ENOX2: variants seen among roughly 807,000 people sequenced by gnomAD.
ENOX2 encodes the protein APK1 antigen.
A neutral mutation model predicts 45.0 loss-of-function variants in ENOX2; 36 were observed. That is an observed-to-expected ratio of 0.80 (90% CI 0.61 to 1.06). The LOEUF (loss-of-function observed/expected upper bound fraction) is 1.06, where lower values mean the gene tolerates loss of function less well. Ranked by LOEUF, ENOX2 falls within the 50% of genes least tolerant of loss-of-function variation. ENOX2 has a pLI of 0.00. For missense variants in ENOX2, 423 were observed against 462.5 expected (o/e 0.91, Z 0.78); for synonymous variants, 174 against 152.3 (o/e 1.14, Z -1.05).
intron 3 of ENOX2, among the ~76,000 whole-genome samples, chrX:130,764,474 T>C (rs2039567895): frequency 9.1e-6 from 1 of 109,907 alleles, no homozygotes; most frequent in Admixed American, 9.7e-5. Flanking sequence ...ACAGTAAAAC[T>C]TGTTTCCTAA....
At chrX:130,801,805 T>C (rs539977647) in intron 2 of ENOX2, among the ~76,000 whole-genome samples, 2 of 111,861 alleles carry the variant, frequency 1.8e-5, no homozygotes, top group African/African-American at 3.2e-5. Flanking sequence ...TCAGATTTCA[T>C]TGTTCATTCA....
rs1161258863 is a variant in ENOX2 at position 130,792,792 on chromosome X, T to TA, written c.-182-9103dup. On this transcript the variant is annotated intron_variant, in intron 2 of 14. Coordinates refer to ENST00000394363, the MANE Select transcript of ENOX2 (RefSeq NM_006375.4). The stretch of plus-strand genomic sequence containing the variant: ...TGGGCTGACAGAGCAAGGCTCCATC[T>TA]AAAAAAACAAAAAACAAAAAACAAA... Among the ~76,000 whole-genome samples, 6 of 111,096 alleles carry TA rather than the reference T, an allele frequency of 5.4e-5. No individual in the cohort carries two copies. In the Admixed American group the frequency reaches 5.7e-4, roughly 11 times the overall value.
chrX:130,637,524 C>T, intron 10 of ENOX2, 114 bp from the exon 11 acceptor site: 2 of 557,654 alleles, frequency 3.6e-6, no homozygotes, highest in South Asian at 3.2e-5. Context: ...TTTGAGTTGG[C>T]CATCTCAGCA....
intron 2 of ENOX2, among the ~76,000 whole-genome samples, chrX:130,831,875 T>G (rs192334092): frequency 9.0e-6 from 1 of 111,542 alleles, no homozygotes; most frequent in Non-Finnish European, 1.9e-5. Flanking sequence ...AATAAATTTT[T>G]GCTGAACTAA....
intron 3 of ENOX2, among the ~76,000 whole-genome samples, chrX:130,755,564 C>G (rs767714869): frequency 3.2e-4 from 35 of 110,452 alleles, no homozygotes; most frequent in African/African-American, 1.1e-3. Context: ...GAGTACTAAG[C>G]ACATGGGGTC....
At chrX:130,827,869 G>A (rs1215594107) in intron 2 of ENOX2, among the ~76,000 whole-genome samples, 1 of 111,276 alleles carries the variant, frequency 9.0e-6, no homozygotes, top group African/African-American at 3.3e-5. Flanking sequence ...CACAAATACT[G>A]GTATACATAA....
chrX:130,697,568 G>C (rs746892445), intron 4 of ENOX2, among the ~76,000 whole-genome samples: 28 of 111,969 alleles, frequency 2.5e-4, no homozygotes, highest in Non-Finnish European at 3.8e-4. Context: ...GAACATGTTG[G>C]ATTAGGGAGA....
chrX:130,801,927 C>T (rs1246409020), intron 2 of ENOX2, among the ~76,000 whole-genome samples: 1 of 112,218 alleles, frequency 8.9e-6, no homozygotes, highest in African/African-American at 3.2e-5. Flanking sequence ...CTACCTGAAG[C>T]TCTTGCTGCT....
intron 3 of ENOX2, among the ~76,000 whole-genome samples, chrX:130,734,380 A>T (rs1180442470): frequency 1.8e-5 from 2 of 111,804 alleles, no homozygotes; most frequent in African/African-American, 6.5e-5. Flanking sequence ...TCTCAGGGGT[A>T]ATAGGAGTAT....
At chrX:130,875,915 C>G (rs2078690664) in intron 2 of ENOX2, among the ~76,000 whole-genome samples, 1 of 112,010 alleles carries the variant, frequency 8.9e-6, no homozygotes, top group South Asian at 3.7e-4. Flanking sequence ...CCACTTCACA[C>G]CTATTAGTAT....
chrX:130,667,648 C>T lies in ENOX2; in HGVS notation c.789G>A (p.Met263Ile), dbSNP rs1356892557. The T allele has an allele frequency of 8.3e-7, 1 of 1,209,662 alleles. No individual in the cohort carries two copies. The highest frequency in any genetic ancestry group is 1.7e-5 in the African/African-American group (1 of 57,216). The change falls in exon 8 of 15, where the codon ATG (methionine) becomes ATA (isoleucine). Residue 263 changes from methionine (M) to isoleucine (I), a missense_variant. This residue lies in a region of ENOX2 where 261 missense variants were observed against 306.8 expected (regional missense o/e 0.85). Transcript: ENST00000394363. The part of the protein sequence containing the change: ...NRRSANNFYS[M>I]IQSANSHVRR... ...GGACATGGCTGTTGGCCGACTGGAT[C>T]ATGGAGTAGAAGTTATTGGCGCTAC...
At chrX:130,638,144 C>G (rs190566222) in intron 10 of ENOX2, among the ~76,000 whole-genome samples, 93 of 107,419 alleles carry the variant, frequency 8.7e-4, no homozygotes, top group Admixed American at 2.0e-3. Context: ...TCTTGGCTCA[C>G]TGCAACCTCC....
chrX:130,773,088 C>T (rs1156689682), intron 3 of ENOX2, among the ~76,000 whole-genome samples: 1 of 112,436 alleles, frequency 8.9e-6, no homozygotes, highest in Non-Finnish European at 1.9e-5. Context: ...GTCTCATTCA[C>T]AGCTTATTGT....
chrX:130,836,197 T>G (rs993819845), intron 2 of ENOX2, among the ~76,000 whole-genome samples: 7 of 112,047 alleles, frequency 6.2e-5, no homozygotes, highest in Non-Finnish European at 1.3e-4. Context: ...AAGGCTTCTG[T>G]TAGGTCAATA....
At chrX:130,835,649 T>C (rs1287994254) in intron 2 of ENOX2, among the ~76,000 whole-genome samples, 1 of 110,600 alleles carries the variant, frequency 9.0e-6, no homozygotes, top group Non-Finnish European at 1.9e-5. Context: ...GAGGCCTGGG[T>C]TTGTACTCTA....
intron 2 of ENOX2, among the ~76,000 whole-genome samples, chrX:130,878,906 C>A (rs1308940796): frequency 8.9e-6 from 1 of 112,328 alleles, no homozygotes; most frequent in Non-Finnish European, 1.9e-5. Flanking sequence ...ATAACCAAGA[C>A]GAAATGTAAA....
chrX:130,665,977 G>A (rs1209292889), intron 8 of ENOX2, among the ~76,000 whole-genome samples: 1 of 111,276 alleles, frequency 9.0e-6, no homozygotes, highest in Non-Finnish European at 1.9e-5. Flanking sequence ...AGACAAAAGG[G>A]AACACCAGAG....
chrX:130,677,643 T>C (rs989024243), intron 6 of ENOX2, among the ~76,000 whole-genome samples: 1 of 111,555 alleles, frequency 9.0e-6, no homozygotes, highest in Non-Finnish European at 1.9e-5. Context: ...TAATGGGTTG[T>C]CATGAGAGTA....
intron 10 of ENOX2, among the ~76,000 whole-genome samples, chrX:130,656,327 C>A (rs112647811): frequency 8.9e-6 from 1 of 112,167 alleles, no homozygotes; most frequent in Admixed American, 9.4e-5. Context: ...AAATGCCCAG[C>A]GCTTTTTGGA....
Sources: gnomAD v4.1 joint callset for allele counts (sites outside exome capture counted in the v4.1 genomes callset) on GRCh38, gnomAD v4.1.1 for gene constraint, gnomAD v4.1.1 regional missense constraint, MANE v1.5 for transcripts, NCBI Gene and HGNC (gene_info 2026-07-23, HGNC 2026-07-21) for gene names.